C6orf118: variants seen among roughly 807,000 people sequenced by gnomAD.
The protein encoded by C6orf118 is chromosome 6 open reading frame 118.
A neutral mutation model predicts 50.2 loss-of-function variants in C6orf118; 50 were observed. That is an observed-to-expected ratio of 1.00 (90% CI 0.79 to 1.26). C6orf118 has a LOEUF of 1.26. Ranked by LOEUF, C6orf118 falls within the 50% of genes most tolerant of loss-of-function variation. C6orf118 has a pLI of 0.00. For missense variants in C6orf118, 641 were observed against 578.7 expected (o/e 1.11, Z -1.10); for synonymous variants, 239 against 230.9 (o/e 1.03, Z -0.32).
chr6:165,291,240 A>C (rs138672478), intron 6 of C6orf118, among the ~76,000 whole-genome samples: 10 of 152,336 alleles, frequency 6.6e-5, no homozygotes, highest in African/African-American at 2.2e-4. Flanking sequence ...ACGATTTAGG[A>C]AATAGAAAAA....
intron 6 of C6orf118, among the ~76,000 whole-genome samples, chr6:165,290,939 G>A (rs1780084957): frequency 6.6e-6 from 1 of 152,184 alleles, no homozygotes; most frequent in African/African-American, 2.4e-5. Flanking sequence ...GCAAGGAGGA[G>A]GAAGTTCCAT....
chr6:165,286,953 A>G (rs1331046832), intron 7 of C6orf118, among the ~76,000 whole-genome samples: 3 of 152,198 alleles, frequency 2.0e-5, no homozygotes, highest in Admixed American at 6.5e-5. Context: ...AGAAAGAAAT[A>G]AAGGGTATTG....
At chr6:165,293,619 A>T in intron 5 of C6orf118, 148 bp from the exon 6 acceptor site, 1 of 587,910 alleles carries the variant, frequency 1.7e-6, no homozygotes, top group Non-Finnish European at 3.0e-6. Flanking sequence ...GAAGATATTT[A>T]TTAAATGACA....
intron 1 of C6orf118, among the ~76,000 whole-genome samples, chr6:165,309,157 G>C (rs1337417393): frequency 6.6e-6 from 1 of 152,240 alleles, no homozygotes; most frequent in Non-Finnish European, 1.5e-5. Flanking sequence ...TCATTTATAG[G>C]AGCGCGGAAA....
intron 4 of C6orf118, among the ~76,000 whole-genome samples, chr6:165,298,670 G>A (rs1780402487): frequency 6.6e-6 from 1 of 152,148 alleles, no homozygotes; most frequent in Non-Finnish European, 1.5e-5. Flanking sequence ...AAAACGTAAG[G>A]AACAAGGTAA....
chr6:165,290,119 T>G (rs776453528), intron 6 of C6orf118, 52 bp from the exon 7 acceptor site: 7 of 1,085,804 alleles, frequency 6.4e-6, no homozygotes, highest in Non-Finnish European at 8.0e-6. Flanking sequence ...TCTCAGTTAT[T>G]ATTAATAGCA....
intron 5 of C6orf118, among the ~76,000 whole-genome samples, chr6:165,295,526 T>G (rs1780260461): frequency 6.6e-6 from 1 of 152,224 alleles, no homozygotes; most frequent in South Asian, 2.1e-4. Flanking sequence ...AGACAAAGAT[T>G]GTTTACACCT....
intron 7 of C6orf118, among the ~76,000 whole-genome samples, chr6:165,286,107 AC>A (rs1562322862): frequency 6.6e-6 from 1 of 152,130 alleles, no homozygotes; most frequent in African/African-American, 2.4e-5. Flanking sequence ...ATCACCACTG[AC>A]CCCACAGAAA....
At position 165,280,129 on chromosome 6, in the gene C6orf118, T is replaced by C. The variant is rs1400988155; in HGVS notation, c.1357-19A>G. ...AAGGCCCCTTAAAATACATAAGAAA[T>C]GAATACCATAGGTTAGAAAAAAATA... is the stretch of plus-strand genomic sequence containing the variant. On this transcript the variant is annotated intron_variant, in intron 8 of 8. Transcript: ENST00000230301. The C allele has an allele frequency of 6.1e-5, 94 of 1,546,178 alleles. No homozygotes were observed. The highest frequency in any genetic ancestry group is 7.5e-5 in the Non-Finnish European group (85 of 1,129,022).
At chr6:165,302,389 A>G (rs1780592122) in intron 1 of C6orf118, 93 bp from the exon 2 acceptor site, 2 of 1,447,000 alleles carry the variant, frequency 1.4e-6, no homozygotes, top group Non-Finnish European at 1.9e-6. Context: ...GCCCCTGACC[A>G]AAAGAGGGTC....
At chr6:165,280,216 A>G in intron 8 of C6orf118, 106 bp from the exon 9 acceptor site, 1 of 706,634 alleles carries the variant, frequency 1.4e-6, no homozygotes, top group Non-Finnish European at 2.3e-6. Flanking sequence ...ACCCAAAAAC[A>G]GACAAGATGA....
At chr6:165,290,845 A>T (rs927219608) in intron 6 of C6orf118, among the ~76,000 whole-genome samples, 1 of 152,194 alleles carries the variant, frequency 6.6e-6, no homozygotes, top group Non-Finnish European at 1.5e-5. Context: ...GACATACCTG[A>T]GACTGGGCAA....
chr6:165,307,640 T>C (rs1373664513), intron 1 of C6orf118, among the ~76,000 whole-genome samples: 1 of 152,144 alleles, frequency 6.6e-6, no homozygotes, highest in African/African-American at 2.4e-5. Context: ...TTCTCCTTGG[T>C]CTCATTCTAG....
rs1050412897 is a variant in C6orf118 at position 165,300,621 on chromosome 6, G to C, written c.754-135C>G. On this transcript the variant is annotated intron_variant, in intron 2 of 8. Coordinates refer to ENST00000230301, the MANE Select transcript of C6orf118 (RefSeq NM_144980.4). Reference sequence around the variant, plus strand: ...CGGGGCGGCACAGGGGGCCAGTCTCGGGGGTTCTGATCCCTCCCACCAGTT... The same window carrying C: ...CGGGGCGGCACAGGGGGCCAGTCTCCGGGGTTCTGATCCCTCCCACCAGTT... The C allele has an allele frequency of 1.9e-5, 13 of 692,404 alleles. 1 individual carries two copies. In the Admixed American group the frequency reaches 3.1e-4, roughly 17 times the overall value. The allele number at this position is 692,404 out of a possible 1,614,324, so 42.9% of individuals were successfully genotyped here.
At chr6:165,309,534 C>G (rs745382867) in intron 1 of C6orf118, 28 bp downstream of exon 1, 1 of 1,613,970 alleles carries the variant, frequency 6.2e-7, no homozygotes, top group Non-Finnish European at 8.5e-7. Context: ...ATCTCACAAG[C>G]CAGCAAGAGC....
rs1473718739 is a variant in C6orf118, at chr6:165,300,382, A to G, written c.858T>C (p.Asp286=). Residue 286 remains aspartate, a synonymous_variant, in exon 3 of 9, where the codon GAT becomes GAC. Coordinates refer to ENST00000230301, the MANE Select transcript of C6orf118 (RefSeq NM_144980.4). ...TTCTTACCTTAACTTTTTTCAAGAG[A>G]TCACCAAATATCAAAGAACTGTTAC... The part of the protein sequence containing the change: ...DICNSSLIFG[D]LLKKVKDEYE... 2 of 1,613,946 alleles carry G rather than the reference A, an allele frequency of 1.2e-6. No homozygotes were observed. The highest frequency in any genetic ancestry group is 3.3e-5 in the Admixed American group (2 of 60,014).
intron 6 of C6orf118, among the ~76,000 whole-genome samples, chr6:165,291,083 A>G (rs1050893580): frequency 6.6e-6 from 1 of 152,134 alleles, no homozygotes; most frequent in African/African-American, 2.4e-5. Context: ...CTCATGATTC[A>G]GTTGTCTACC....
intron 6 of C6orf118, among the ~76,000 whole-genome samples, chr6:165,292,107 G>A (rs78743519): frequency 0.023 from 3,523 of 152,212 alleles, 135 homozygotes; most frequent in African/African-American, 0.081. Context: ...TTTGTTCTCC[G>A]CCTTAACCTA....
At chr6:165,295,778 T>G (rs1780272805) in intron 5 of C6orf118, among the ~76,000 whole-genome samples, 1 of 152,154 alleles carries the variant, frequency 6.6e-6, no homozygotes, top group Non-Finnish European at 1.5e-5. Context: ...GTTTCTAAAC[T>G]TTCCTTTCTT....
Sources: allele counts gnomAD v4.1 joint callset (sites outside exome capture counted in the v4.1 genomes callset), GRCh38; gene constraint gnomAD v4.1.1; transcripts MANE v1.5; gene names NCBI Gene and HGNC (gene_info 2026-07-23, HGNC 2026-07-21).